Variants in COG5 observed in about 807,000 individuals in gnomAD.
COG5 encodes the protein conserved oligomeric Golgi complex subunit 5.
In COG5, 86 loss-of-function variants were observed where a neutral mutation model predicts 110.4. The observed-to-expected ratio is 0.78, with a 90% CI of 0.65 to 0.93. COG5 has a LOEUF of 0.93. Among genes scored for constraint, COG5 ranks in the 40% least tolerant of loss-of-function variants. The pLI is 0.00. For synonymous variants in COG5, 360 were observed against 334.6 expected (o/e 1.08, Z -0.83); for missense variants, 1,077 against 987.0 (o/e 1.09, Z -1.22).
chr7:107,460,938 A>T (rs1339920708), intron 6 of COG5, among the ~76,000 whole-genome samples: 5 of 152,124 alleles, frequency 3.3e-5, no homozygotes, highest in Admixed American at 2.6e-4. Flanking sequence ...CTATTAAATT[A>T]TTTGAATTTA....
At chr7:107,458,299 T>C (rs1247699823) in intron 6 of COG5, among the ~76,000 whole-genome samples, 1 of 152,008 alleles carries the variant, frequency 6.6e-6, no homozygotes. Flanking sequence ...CAAAAAGAAA[T>C]GAACAATGCC....
At chr7:107,208,548 G>A (rs1441950112) in intron 21 of COG5, 19 of 985,170 alleles carry the variant, frequency 1.9e-5, no homozygotes, top group African/African-American at 3.5e-5. Context: ...TTTGGGACTC[G>A]GGAAAAATAA....
At chr7:107,486,597 AT>A (rs755227994) in intron 6 of COG5, among the ~76,000 whole-genome samples, 2 of 152,214 alleles carry the variant, frequency 1.3e-5, no homozygotes, top group Non-Finnish European at 2.9e-5. Context: ...CACTAAAAAA[AT>A]CTAGCTGTAA....
At chr7:107,298,009 A>G in intron 12 of COG5, 133 bp downstream of exon 12, 1 of 382,954 alleles carries the variant, frequency 2.6e-6, no homozygotes, top group South Asian at 7.8e-5. Context: ...CTTTTAAGGT[A>G]TACAAATAAA....
At chr7:107,473,595 A>C (rs1938239825) in intron 6 of COG5, among the ~76,000 whole-genome samples, 1 of 152,066 alleles carries the variant, frequency 6.6e-6, no homozygotes, top group East Asian at 1.9e-4. Context: ...ATCTCACAGG[A>C]ATAATTACAC....
At chr7:107,513,870 G>A (rs1338999006) in intron 6 of COG5, among the ~76,000 whole-genome samples, 2 of 151,852 alleles carry the variant, frequency 1.3e-5, no homozygotes, top group African/African-American at 2.4e-5. Flanking sequence ...GACACAGGAA[G>A]GGGAACATCA....
At chr7:107,438,864 T>C (rs1794530925) in intron 6 of COG5, among the ~76,000 whole-genome samples, 1 of 152,200 alleles carries the variant, frequency 6.6e-6, no homozygotes, top group Non-Finnish European at 1.5e-5. Flanking sequence ...GCTCTCCTTC[T>C]ACAGTCTTTC....
intron 1 of COG5, among the ~76,000 whole-genome samples, chr7:107,561,914 T>C (rs1382183867): frequency 6.6e-6 from 1 of 151,410 alleles, no homozygotes. Flanking sequence ...AGGCAGAGCT[T>C]GCAGTGAGCC....
intron 7 of COG5, among the ~76,000 whole-genome samples, chr7:107,391,154 T>C (rs1013790161): frequency 6.6e-6 from 1 of 151,974 alleles, no homozygotes; most frequent in South Asian, 2.1e-4. Context: ...TACTTGAAAC[T>C]TTTGTCATTT....
chr7:107,256,063 T>C (rs955657443), intron 16 of COG5, among the ~76,000 whole-genome samples: 1 of 152,142 alleles, frequency 6.6e-6, no homozygotes, highest in African/African-American at 2.4e-5. Flanking sequence ...AATATGCTTG[T>C]TTTTAAAAGA....
chr7:107,248,395 C>T lies in COG5; in HGVS notation c.1853+1G>A, dbSNP rs1237315874. ...GTAAAAATTTGGTTAGAAGTAATTA[C>T]CCAGAAAAGTCTTCTTGATGCATGG... On this transcript the variant is annotated splice_donor_variant, in intron 17 of 21. Coordinates refer to ENST00000297135, the MANE Select transcript of COG5 (RefSeq NM_006348.5). LOFTEE classifies it high-confidence loss of function. 1 of 1,591,286 alleles carries T rather than the reference C, an allele frequency of 6.3e-7. No homozygotes were observed. The highest frequency in any genetic ancestry group is 2.2e-5 in the East Asian group (1 of 44,706).
intron 12 of COG5, among the ~76,000 whole-genome samples, chr7:107,288,405 C>T (rs1479905875): frequency 6.6e-6 from 1 of 152,250 alleles, no homozygotes; most frequent in East Asian, 1.9e-4. Context: ...TTCCAAGGCC[C>T]TGTACCAGTT....
chr7:107,226,015 C>A lies in COG5; in HGVS notation c.2168+4600G>T, dbSNP rs145829249. On this transcript the variant is annotated intron_variant, in intron 19 of 21. Coordinates refer to ENST00000297135, the MANE Select transcript of COG5 (RefSeq NM_006348.5). ...CCATGATCATGCCATTGCACTCCAA[C>A]CTGGGGGACAAAAGCGAGACATCAT... Among the ~76,000 whole-genome samples the A allele has an allele frequency of 5.7e-4, 86 of 152,066 alleles. No individual in the cohort carries two copies. In the East Asian group the frequency reaches 8.9e-3, roughly 16 times the overall value.
intron 19 of COG5, among the ~76,000 whole-genome samples, chr7:107,222,046 C>T (rs902232869): frequency 7.9e-5 from 12 of 152,192 alleles, no homozygotes; most frequent in African/African-American, 2.6e-4. Context: ...CGGAGACAGA[C>T]GAGGAGAGGG....
At chr7:107,276,002 T>C (rs971496964) in intron 14 of COG5, among the ~76,000 whole-genome samples, 2 of 152,326 alleles carry the variant, frequency 1.3e-5, no homozygotes, top group Non-Finnish European at 1.5e-5. Flanking sequence ...AAAACCTTAG[T>C]GTCTAGAACT....
At chr7:107,206,683 G>C (rs1798812028) in intron 21 of COG5, among the ~76,000 whole-genome samples, 1 of 152,182 alleles carries the variant, frequency 6.6e-6, no homozygotes. Context: ...AATCAACTTA[G>C]TTTCGTTGGC....
chr7:107,441,284 C>T (rs1469629660), intron 6 of COG5, among the ~76,000 whole-genome samples: 4 of 141,764 alleles, frequency 2.8e-5, no homozygotes, highest in East Asian at 4.2e-4. Flanking sequence ...AAAAGAATTA[C>T]CAATCCTGAG....
intron 6 of COG5, among the ~76,000 whole-genome samples, chr7:107,462,101 T>C (rs912032324): frequency 5.3e-5 from 8 of 152,194 alleles, no homozygotes; most frequent in Admixed American, 1.3e-4. Flanking sequence ...TAGAAACTTC[T>C]TGAACTCATC....
chr7:107,357,371 T>C (rs1355553486), intron 10 of COG5, among the ~76,000 whole-genome samples: 4 of 152,164 alleles, frequency 2.6e-5, no homozygotes, highest in East Asian at 1.9e-4. Context: ...TTTCTATAGA[T>C]AGGTACACTG....
Sources: allele counts gnomAD v4.1 joint callset (sites outside exome capture counted in the v4.1 genomes callset), GRCh38; gene constraint gnomAD v4.1.1; transcripts MANE v1.5; gene names NCBI Gene and HGNC (gene_info 2026-07-23, HGNC 2026-07-21).